ANO1: variants seen among roughly 807,000 people sequenced by gnomAD.
The protein encoded by ANO1 is anoctamin 1.
In ANO1, 59 loss-of-function variants were observed where a neutral mutation model predicts 124.0. That is an observed-to-expected ratio of 0.48 (90% CI 0.39 to 0.59). The LOEUF (loss-of-function observed/expected upper bound fraction) is 0.59, where lower values mean the gene tolerates loss of function less well. Ranked by LOEUF, ANO1 falls within the 20% of genes least tolerant of loss-of-function variation. The pLI is 0.00. For missense variants in ANO1, 1,059 were observed against 1,328.0 expected, an observed-to-expected ratio of 0.80 and a Z score of 3.15; for synonymous variants, 529 against 532.0, an observed-to-expected ratio of 0.99 and a Z score of 0.08.
chr11:70,095,336 AAG>A lies in ANO1; in HGVS notation c.441+7256_441+7257del, dbSNP rs1370305677. ...AGAAAGAAAGGAAAGAAAGAAAGGA[AAG>A]AGAAAGAAAAAGAAAGAAAGAAAGA... On this transcript the variant is annotated intron_variant, in intron 2 of 25. Coordinates refer to ENST00000355303, the MANE Select transcript of ANO1 (RefSeq NM_018043.7). 3.2e-3 allele frequency among the ~76,000 whole-genome samples: 408 copies of A among 128,608 alleles called. 41 individuals carry two copies. Among genetic ancestry groups the A allele is most frequent in the African/African-American group, 0.01 (360 of 35,480 alleles). The allele number at this position is 128,608 out of a possible 152,430, so 84.4% of individuals were successfully genotyped here.
At chr11:70,079,639 C>A (rs77055677) in intron 1 of ANO1, among the ~76,000 whole-genome samples, 3 of 152,126 alleles carry the variant, frequency 2.0e-5, no homozygotes, top group Non-Finnish European at 4.4e-5. Flanking sequence ...GACCTAAGGA[C>A]AGAAGCTCCC....
At chr11:70,051,844 C>T (rs1160661187) in intron 1 of ANO1, among the ~76,000 whole-genome samples, 1 of 152,218 alleles carries the variant, frequency 6.6e-6, no homozygotes, top group Non-Finnish European at 1.5e-5. Flanking sequence ...TCTGTCTTCC[C>T]TTTTCACTTA....
intron 1 of ANO1, among the ~76,000 whole-genome samples, chr11:70,040,134 G>T (rs1857160431): frequency 6.6e-6 from 1 of 152,130 alleles, no homozygotes; most frequent in African/African-American, 2.4e-5. Flanking sequence ...AGATAATCTG[G>T]CAGCGGATAC....
chr11:70,078,480 TG>T lies in ANO1; in HGVS notation c.-124del. 1 of 268,452 alleles carries T rather than the reference TG, an allele frequency of 3.7e-6. No homozygotes were observed. The allele number at this position is 268,452 out of a possible 1,614,324, so 16.6% of individuals were successfully genotyped here. The stretch of plus-strand genomic sequence containing the variant: ...GAGGCGGCCACGTCCCCGGCGGGCC[TG>T]GGCGCGGGGAGGCCCGGCCCCCTGC... On this transcript the variant is annotated 5_prime_UTR_variant, in exon 1 of 26. Transcript: ENST00000355303.
At position 70,098,971 on chromosome 11, in the gene ANO1, C is replaced by T. The variant is rs76463048; in HGVS notation, c.442-4095C>T. On this transcript the variant is annotated intron_variant, in intron 2 of 25. Coordinates refer to ENST00000355303, the MANE Select transcript of ANO1 (RefSeq NM_018043.7). ...GCTGGGTTCAGAGGGAGGTTTCCGC[C>T]GGCATAGTTAGTCACTGCACTAAGG... Among the ~76,000 whole-genome samples, 1,207 of 152,312 alleles carry T rather than the reference C, an allele frequency of 7.9e-3. 24 individuals are homozygous for T. The highest frequency in any genetic ancestry group is 0.028 in the African/African-American group (1,158 of 41,552).
intron 16 of ANO1, among the ~76,000 whole-genome samples, chr11:70,158,662 T>C (rs1241993352): frequency 6.6e-6 from 1 of 152,220 alleles, no homozygotes; most frequent in Non-Finnish European, 1.5e-5. Context: ...CTTTGTTTTC[T>C]GGGTTGAGTG....
chr11:70,034,681 A>T (rs1857063678), intron 1 of ANO1, among the ~76,000 whole-genome samples: 1 of 152,200 alleles, frequency 6.6e-6, no homozygotes, highest in Non-Finnish European at 1.5e-5. Flanking sequence ...GGCAAAGGGC[A>T]TCAGAAGGAG....
rs770614005 is a variant in ANO1, at chr11:70,105,722, A to G, written c.693-12A>G. 1 of 1,613,300 alleles carries G rather than the reference A, an allele frequency of 6.2e-7. No homozygotes were observed. Among genetic ancestry groups the G allele is most frequent in the Non-Finnish European group, 8.5e-7 (1 of 1,179,456 alleles). On this transcript the variant is annotated splice_polypyrimidine_tract_variant and intron_variant, in intron 4 of 25. Transcript: ENST00000355303. ...TGAACTGTGTCTTGTTTCCTTCCCG[A>G]TATTTCCACAGATTTGACTTGTCTG...
intron 1 of ANO1, among the ~76,000 whole-genome samples, chr11:70,030,379 G>A (rs1415729982): frequency 2.0e-5 from 3 of 152,248 alleles, no homozygotes; most frequent in Non-Finnish European, 4.4e-5. Context: ...GCTCGGAGCT[G>A]CTATGTTGGT....
intron 12 of ANO1, among the ~76,000 whole-genome samples, chr11:70,151,295 G>A (rs574244447): frequency 1.3e-5 from 2 of 152,310 alleles, no homozygotes; most frequent in East Asian, 1.9e-4. Flanking sequence ...TTCCTCAGCC[G>A]ATCTCATTAT....
intron 12 of ANO1, among the ~76,000 whole-genome samples, chr11:70,150,057 G>A (rs908436482): frequency 2.6e-5 from 4 of 152,202 alleles, no homozygotes; most frequent in Non-Finnish European, 5.9e-5. Flanking sequence ...AGCCACCAGC[G>A]TGGTCTCAGG....
At chr11:70,168,502 G>A (rs1006237996) in intron 21 of ANO1, among the ~76,000 whole-genome samples, 6 of 151,950 alleles carry the variant, frequency 3.9e-5, no homozygotes, top group African/African-American at 4.8e-5. Flanking sequence ...CCGGTAGGAC[G>A]GCAGCCTCAC....
chr11:70,051,418 C>G (rs1187512917), intron 1 of ANO1, among the ~76,000 whole-genome samples: 1 of 152,204 alleles, frequency 6.6e-6, no homozygotes, highest in African/African-American at 2.4e-5. Context: ...ATTTCAGGGT[C>G]GTAAGACAAG....
At chr11:70,185,129 C>T (rs527655621) in intron 24 of ANO1, among the ~76,000 whole-genome samples, 2 of 152,224 alleles carry the variant, frequency 1.3e-5, no homozygotes, top group South Asian at 2.1e-4. Flanking sequence ...GGAGCATGGG[C>T]GTTGGGTTGA....
chr11:70,114,275 C>G (rs2045895930), intron 7 of ANO1, among the ~76,000 whole-genome samples: 2 of 152,224 alleles, frequency 1.3e-5, no homozygotes, highest in Non-Finnish European at 2.9e-5. Flanking sequence ...CTGTGGGTGG[C>G]AGGTATCCTT....
At chr11:70,161,413 C>T (rs79907287) in intron 17 of ANO1, 51 bp downstream of exon 17, 148 of 1,580,704 alleles carry the variant, frequency 9.4e-5, no homozygotes, top group South Asian at 2.4e-4. Context: ...CAGCTGGAGT[C>T]GCCTGCCTCT....
At chr11:70,165,441 G>C (rs1270783981) in intron 19 of ANO1, 29 bp from the exon 20 acceptor site, 3 of 1,574,466 alleles carry the variant, frequency 1.9e-6, no homozygotes, top group Non-Finnish European at 1.7e-6. Flanking sequence ...TGTCCCTGTA[G>C]CGTGGCTGAT....
chr11:70,017,117 G>T (rs1433514006), intron 1 of ANO1, among the ~76,000 whole-genome samples: 1 of 152,226 alleles, frequency 6.6e-6, no homozygotes, highest in Non-Finnish European at 1.5e-5. Context: ...CTTGTTTGAT[G>T]AATGAACAAA....
chr11:70,103,842 C>T (rs564379238), intron 3 of ANO1, among the ~76,000 whole-genome samples, 157 bp from the exon 4 acceptor site: 36 of 152,212 alleles, frequency 2.4e-4, no homozygotes, highest in African/African-American at 7.5e-4. Context: ...ATGGCGTGGG[C>T]GGGGTGGGGC....
Sources: allele counts gnomAD v4.1 joint callset (sites outside exome capture counted in the v4.1 genomes callset), GRCh38; gene constraint gnomAD v4.1.1; transcripts MANE v1.5; gene names NCBI Gene and HGNC (gene_info 2026-07-23, HGNC 2026-07-21).